PGF: variants seen among roughly 807,000 people sequenced by gnomAD.
The protein encoded by PGF is placenta growth factor.
PGF carries 11 observed loss-of-function variants against 25.3 expected under a neutral mutation model. The ratio of observed to expected loss-of-function variants is 0.43; its 90% CI spans 0.27 to 0.72. PGF has a LOEUF of 0.72. PGF is among the 30% of genes least tolerant of loss of function. PGF has a pLI of 0.18. For synonymous variants in PGF, 105 were observed against 97.9 expected (o/e 1.07, Z -0.43); for missense variants, 230 against 234.9 (o/e 0.98, Z 0.14).
At position 74,955,352 on chromosome 14, in the gene PGF, C is replaced by T; in HGVS notation, c.-110G>A. The T allele has an allele frequency of 1.9e-6, 1 of 539,312 alleles. No individual in the cohort carries two copies. The highest frequency in any genetic ancestry group is 3.0e-6 in the Non-Finnish European group (1 of 331,032). 33.4% of individuals were successfully genotyped at this position (539,312 alleles called of 1,614,324 possible). A position where few individuals can be genotyped will look rare whatever the true frequency, so the allele number is the denominator to read the frequency against. On this transcript the variant is annotated 5_prime_UTR_variant, in exon 1 of 7. Coordinates refer to ENST00000555567, the MANE Select transcript of PGF (RefSeq NM_002632.6). The surrounding 1 kb of genome is among the most constrained non-coding windows in gnomAD (Gnocchi z 4.1). Reference sequence around the variant, plus strand: ...AGCTGAGTGGGGGGCTGGACGCCTCCCTCACTGCTGCCCCGAGGCCCCGGC... The same window carrying T: ...AGCTGAGTGGGGGGCTGGACGCCTCTCTCACTGCTGCCCCGAGGCCCCGGC...
chr14:74,944,202 A>C (rs938239396), intron 6 of PGF, among the ~76,000 whole-genome samples: 1 of 148,382 alleles, frequency 6.7e-6, no homozygotes, highest in Non-Finnish European at 1.5e-5. Flanking sequence ...TCCCGGGTTC[A>C]TGCCATTCTC....
intron 2 of PGF, among the ~76,000 whole-genome samples, chr14:74,951,828 A>C (rs1888878943): frequency 6.6e-6 from 1 of 152,088 alleles, no homozygotes; most frequent in South Asian, 2.1e-4. Flanking sequence ...GCCACCAGGA[A>C]AGGGCAATTC....
chr14:74,951,445 C>G (rs769828526), intron 2 of PGF, among the ~76,000 whole-genome samples: 1 of 152,242 alleles, frequency 6.6e-6, no homozygotes. Flanking sequence ...TGACTCTGAA[C>G]GTTTAATCTC....
Position 74,953,021 on chromosome 14 carries a change from C to A in PGF, c.118+883G>T, listed in dbSNP as rs1050164783. 6.6e-6 allele frequency among the ~76,000 whole-genome samples: 1 copy of A among 152,238 alleles called. No individual in the cohort carries two copies. Among genetic ancestry groups the A allele is most frequent in the Non-Finnish European group, 1.5e-5 (1 of 68,042 alleles). ...TGTTGTGCTGGTTCCAGAGGCACAGCAAGGGAGGCATCCATGAGGTCAAGG... is the reference window on the plus strand; with the variant it reads ...TGTTGTGCTGGTTCCAGAGGCACAGAAAGGGAGGCATCCATGAGGTCAAGG... On this transcript the variant is annotated intron_variant, in intron 2 of 6. Coordinates refer to ENST00000555567, the MANE Select transcript of PGF (RefSeq NM_002632.6). This position sits in a 1 kb window ranked among gnomAD's most constrained non-coding sequence, Gnocchi z 5.4.
At chr14:74,954,207 G>A in intron 1 of PGF, 2 of 511,328 alleles carry the variant, frequency 3.9e-6, no homozygotes, top group Non-Finnish European at 3.5e-6. Context: ...CCCTTGGCCT[G>A]CTGCATCCCA....
intron 4 of PGF, chr14:74,947,197 C>T: frequency 2.7e-6 from 1 of 364,942 alleles, no homozygotes; most frequent in Admixed American, 4.3e-5. Context: ...CTTGGAACCT[C>T]AGTCTCTTCA....
chr14:74,942,496 C>T lies in PGF; in HGVS notation c.*210G>A, dbSNP rs1033084073. 2.0e-5 allele frequency: 12 copies of T among 590,740 alleles called. No individual in the cohort carries two copies. Among genetic ancestry groups the T allele is most frequent in the Admixed American group, 1.6e-4 (5 of 31,338 alleles). The allele number at this position is 590,740 out of a possible 1,614,324, so 36.6% of individuals were successfully genotyped here. A position where few individuals can be genotyped will look rare whatever the true frequency, so the allele number is the denominator to read the frequency against. ...AGCGGAAGCTCCCAGGGGTCTGTGG[C>T]TGGCTTCTCTCTTTCTCTCACGTTG... On this transcript the variant is annotated 3_prime_UTR_variant, in exon 7 of 7. Transcript: ENST00000555567.
rs552964584 is a variant in PGF at position 74,942,341 on chromosome 14, C to T, written c.*365G>A. On this transcript the variant is annotated 3_prime_UTR_variant, in exon 7 of 7. Coordinates refer to ENST00000555567, the MANE Select transcript of PGF (RefSeq NM_002632.6). Reference sequence around the variant, plus strand: ...AGCTCCGAAAGCAAGGGCTGCTTGTCTGTGCAGAGCCTGAGGCCCAAGAAC... The same window carrying T: ...AGCTCCGAAAGCAAGGGCTGCTTGTTTGTGCAGAGCCTGAGGCCCAAGAAC... 2.5e-5 allele frequency: 6 copies of T among 239,262 alleles called. No homozygotes were observed. The highest frequency in any genetic ancestry group is 1.2e-4 in the African/African-American group (5 of 42,872). The allele number at this position is 239,262 out of a possible 1,614,324, so 14.8% of individuals were successfully genotyped here. A position where few individuals can be genotyped will look rare whatever the true frequency, so the allele number is the denominator to read the frequency against.
At chr14:74,948,477 C>T (rs1441207327) in intron 4 of PGF, 30 bp downstream of exon 4, 8 of 1,465,996 alleles carry the variant, frequency 5.5e-6, no homozygotes, top group African/African-American at 4.2e-5. Context: ...GGGGCCTTTC[C>T]TTGCTACCCA....
intron 6 of PGF, among the ~76,000 whole-genome samples, chr14:74,944,395 C>T (rs1033528489): frequency 5.3e-5 from 8 of 151,992 alleles, no homozygotes; most frequent in Non-Finnish European, 7.4e-5. Flanking sequence ...AGCCACCGCG[C>T]CTGGCCTGCT....
intron 3 of PGF, 35 bp from the exon 4 acceptor site, chr14:74,948,618 A>G (rs761438020): frequency 2.8e-6 from 4 of 1,423,492 alleles, no homozygotes; most frequent in East Asian, 2.3e-5. Context: ...TGGATTGGGG[A>G]GTGGCCCACG....
At chr14:74,944,260 A>G (rs559831735) in intron 6 of PGF, among the ~76,000 whole-genome samples, 196 of 151,410 alleles carry the variant, frequency 1.3e-3, no homozygotes, top group East Asian at 4.3e-3. Flanking sequence ...CCACCACCAC[A>G]CCCGGCTAAT....
chr14:74,951,726 A>G lies in PGF; in HGVS notation c.119-2173T>C, dbSNP rs61757886. ...ACCATGCAGGTTCCGGGTCCCTGAA[A>G]CCCTGGAATCTGCCACTTTCCCAGC... On this transcript the variant is annotated intron_variant, in intron 2 of 6. Transcript: ENST00000555567. 2.3e-3 allele frequency among the ~76,000 whole-genome samples: 351 copies of G among 152,232 alleles called. 1 individual carries two copies. Among genetic ancestry groups the G allele is most frequent in the African/African-American group, 8.3e-3 (344 of 41,542 alleles).
At position 74,955,403 on chromosome 14, in the gene PGF, C is replaced by G. The variant is rs953438924; in HGVS notation, c.-161G>C. 14 of 419,068 alleles carry G rather than the reference C, an allele frequency of 3.3e-5. No individual in the cohort carries two copies. The highest frequency in any genetic ancestry group is 2.1e-4 in the African/African-American group (10 of 48,740). 26.0% of individuals were successfully genotyped at this position (419,068 alleles called of 1,614,324 possible). A position where few individuals can be genotyped will look rare whatever the true frequency, so the allele number is the denominator to read the frequency against. On this transcript the variant is annotated 5_prime_UTR_variant, in exon 1 of 7. Transcript: ENST00000555567. The surrounding 1 kb of genome is among the most constrained non-coding windows in gnomAD (Gnocchi z 4.1). Reference sequence around the variant, plus strand: ...CGGTGGTTCGAGCATCTTCTGGAAGCCTTGCGGAGTCAGGAGCCCGTAGGT... The same window carrying G: ...CGGTGGTTCGAGCATCTTCTGGAAGGCTTGCGGAGTCAGGAGCCCGTAGGT...
At chr14:74,952,808 G>A (rs57349486) in intron 2 of PGF, among the ~76,000 whole-genome samples, 2,816 of 152,278 alleles carry the variant, frequency 0.018, 86 homozygotes, top group African/African-American at 0.062. Flanking sequence ...CAGAGGACAA[G>A]TCCCTTTTTC....
chr14:74,948,881 G>A (rs1280893254), intron 3 of PGF, among the ~76,000 whole-genome samples: 1 of 152,198 alleles, frequency 6.6e-6, no homozygotes, highest in African/African-American at 2.4e-5. Flanking sequence ...TGCTGAACAA[G>A]TGAAATAACA....
rs754766352 is a variant in PGF, at chr14:74,948,580, G to A, written c.319C>T (p.Leu107=). 2 of 1,598,254 alleles carry A rather than the reference G, an allele frequency of 1.3e-6. No homozygotes were observed. Among genetic ancestry groups the A allele is most frequent in the South Asian group, 1.1e-5 (1 of 90,082 alleles). Reference sequence around the variant, plus strand: ...GGCCGGTCCCCAGAACGGATCTTTAGGAGCTGAAGGAAGAAAGAGTTGATG... The same window carrying A: ...GGCCGGTCCCCAGAACGGATCTTTAAGAGCTGAAGGAAGAAAGAGTTGATG... The part of the protein sequence containing the change: ...VETANVTMQL[L]KIRSGDRPSY... Residue 107 remains leucine, a synonymous_variant, in exon 4 of 7, where the codon CTA becomes TTA. Transcript: ENST00000555567.
At chr14:74,952,039 T>TGGCCCCCTCAG (rs931655232) in intron 2 of PGF, among the ~76,000 whole-genome samples, 1 of 152,012 alleles carries the variant, frequency 6.6e-6, no homozygotes, top group Non-Finnish European at 1.5e-5. Flanking sequence ...CGGGAAGCTG[T>TGGCCCCCTCAG]GGCCCCCTCA....
intron 6 of PGF, 94 bp from the exon 7 acceptor site, chr14:74,942,827 G>A (rs1888636045): frequency 8.1e-7 from 1 of 1,236,486 alleles, no homozygotes; most frequent in Non-Finnish European, 1.1e-6. Flanking sequence ...CAGAGGAGGA[G>A]CTTGGGCAGG....
Sources: gnomAD v4.1 joint callset for allele counts (sites outside exome capture counted in the v4.1 genomes callset) on GRCh38, gnomAD v4.1.1 for gene constraint, Gnocchi (gnomAD v3.1) non-coding constraint, MANE v1.5 for transcripts, NCBI Gene and HGNC (gene_info 2026-07-23, HGNC 2026-07-21) for gene names.